Variants in RAB40B observed in about 807,000 individuals in gnomAD.
RAB40B encodes the protein ras-related protein Rab-40B.
Under a neutral mutation model 24.0 loss-of-function variants are expected in RAB40B, and 21 were observed. The observed-to-expected ratio is 0.88, with a 90% CI of 0.62 to 1.26. The LOEUF (loss-of-function observed/expected upper bound fraction) is 1.26, where lower values mean the gene tolerates loss of function less well. Ranked by LOEUF, RAB40B falls within the 50% of genes most tolerant of loss-of-function variation. The pLI is 0.00. For missense variants in RAB40B, 348 were observed against 390.5 expected (o/e 0.89, Z 0.92); for synonymous variants, 167 against 169.8 (o/e 0.98, Z 0.13).
chr17:82,678,883 T>TTG (rs1465520875), intron 1 of RAB40B, among the ~76,000 whole-genome samples: 1 of 121,580 alleles, frequency 8.2e-6, no homozygotes, highest in African/African-American at 3.9e-5. Flanking sequence ...TTCTGCGTTT[T>TTG]TTTTTTTTTT....
intron 1 of RAB40B, among the ~76,000 whole-genome samples, chr17:82,694,254 G>A (rs746621971): frequency 1.8e-4 from 28 of 151,494 alleles, no homozygotes; most frequent in Non-Finnish European, 3.2e-4. Context: ...TTCAGGCCGC[G>A]CACTGTGGCT....
At chr17:82,665,890 CAA>C (rs1002021556) in intron 1 of RAB40B, among the ~76,000 whole-genome samples, 2 of 121,796 alleles carry the variant, frequency 1.6e-5, no homozygotes, top group African/African-American at 2.8e-5. Flanking sequence ...AGAACAACAA[CAA>C]AAAAAAAAAA....
In RAB40B at chr17:82,657,822, TCTC is replaced by T. The variant is rs748764916; in HGVS notation, c.*38_*40del. On this transcript the variant is annotated 3_prime_UTR_variant, in exon 6 of 6. Transcript: ENST00000571995. ...CAGCTGCCGGGGGTAACGCCGAGCT[TCTC>T]CTGGAGAGATTCCGCCGTGTTTCTT... 2.5e-6 allele frequency: 4 copies of T among 1,609,042 alleles called. No individual in the cohort carries two copies. The African/African-American group carries it at 4.0e-5, about 16-fold the overall frequency.
chr17:82,688,649 T>C (rs2046526617), intron 1 of RAB40B, among the ~76,000 whole-genome samples: 1 of 151,732 alleles, frequency 6.6e-6, no homozygotes, highest in African/African-American at 2.4e-5. Context: ...ATAGTTTTGT[T>C]TGGGCCGGGC....
At chr17:82,695,609 C>T (rs2046601809) in intron 1 of RAB40B, among the ~76,000 whole-genome samples, 1 of 150,452 alleles carries the variant, frequency 6.6e-6, no homozygotes, top group Non-Finnish European at 1.5e-5. Flanking sequence ...TTTGAGGAGG[C>T]CAAAAAAGGA....
At chr17:82,695,559 A>C (rs1361614985) in intron 1 of RAB40B, among the ~76,000 whole-genome samples, 2 of 149,800 alleles carry the variant, frequency 1.3e-5, no homozygotes, top group East Asian at 1.9e-4. Flanking sequence ...AAAAAAAAAA[A>C]CATGGCCAGG....
At chr17:82,695,441 T>C (rs1472724105) in intron 1 of RAB40B, among the ~76,000 whole-genome samples, 1 of 151,132 alleles carries the variant, frequency 6.6e-6, no homozygotes, top group Non-Finnish European at 1.5e-5. Context: ...CCGCCCACCT[T>C]GGCCTCCCCA....
chr17:82,671,489 T>A (rs1009840349), intron 1 of RAB40B, among the ~76,000 whole-genome samples: 752 of 52,906 alleles, frequency 0.014, 1 homozygote, highest in Middle Eastern at 0.025. Context: ...ACTCACATGC[T>A]CCCTGTACTC....
At chr17:82,681,065 A>AATGATGTTT (rs1408981592) in intron 1 of RAB40B, among the ~76,000 whole-genome samples, 1 of 150,352 alleles carries the variant, frequency 6.7e-6, no homozygotes, top group Non-Finnish European at 1.5e-5. Flanking sequence ...GAGAAAAGAA[A>AATGATGTTT]ATGATGTTTG....
Position 82,660,991 on chromosome 17 carries a change from G to C in RAB40B, c.260C>G (p.Ala87Gly), listed in dbSNP as rs1347119265. The change falls in exon 3 of 6, where the codon GCA (alanine) becomes GGA (glycine). Residue 87 changes from alanine (A) to glycine (G), a missense_variant. Ala to Gly is a moderately conservative substitution (Grantham distance 60). Transcript: ENST00000571995. The part of the protein sequence containing the change: ...CTIFRSYSRG[A>G]QGVILVYDIA... Reference sequence around the variant, plus strand: ...GCTCGGGGGATGCTGTGTTACCTGTGCGCCCCGGGAGTAGGAGCGGAATAT... The same window carrying C: ...GCTCGGGGGATGCTGTGTTACCTGTCCGCCCCGGGAGTAGGAGCGGAATAT... 1 of 1,614,038 alleles carries C rather than the reference G, an allele frequency of 6.2e-7. No individual in the cohort carries two copies. Among genetic ancestry groups the C allele is most frequent in the Admixed American group, 1.7e-5 (1 of 60,032 alleles).
chr17:82,692,105 C>T lies in RAB40B; in HGVS notation c.142+6350G>A, dbSNP rs1263000044. On this transcript the variant is annotated intron_variant, in intron 1 of 5. Transcript: ENST00000571995. The surrounding 1 kb of genome is among the most constrained non-coding windows in gnomAD (Gnocchi z 4.0). ...GCAGAGCAGTGGGGCCCGCACGGTC[C>T]GTGGGCTGAGGTGACAGGCAGAGCA... 3.3e-3 allele frequency among the ~76,000 whole-genome samples: 10 copies of T among 3,008 alleles called. No homozygotes were observed. The highest frequency in any genetic ancestry group is 6.6e-3 in the South Asian group (1 of 152). 2.0% of individuals were successfully genotyped at this position (3,008 alleles called of 152,430 possible).
intron 2 of RAB40B, chr17:82,662,765 T>A: frequency 1.0e-6 from 1 of 985,002 alleles, no homozygotes; most frequent in Non-Finnish European, 1.2e-6. Context: ...GGGAGAAAAG[T>A]GTGAGGGTGA....
chr17:82,682,194 T>C (rs891205289), intron 1 of RAB40B, among the ~76,000 whole-genome samples: 4 of 151,864 alleles, frequency 2.6e-5, no homozygotes, highest in Middle Eastern at 3.2e-3. Context: ...AGAAAGCTAT[T>C]AGAACTCATA....
intron 1 of RAB40B, among the ~76,000 whole-genome samples, chr17:82,694,173 G>C (rs898989953): frequency 1.1e-4 from 17 of 151,062 alleles, no homozygotes; most frequent in African/African-American, 4.2e-4. Flanking sequence ...CAATAAGTTA[G>C]AAACAGCTAG....
intron 4 of RAB40B, 128 bp downstream of exon 4, chr17:82,659,452 G>A: frequency 1.2e-6 from 1 of 806,914 alleles, no homozygotes; most frequent in East Asian, 2.6e-5. Flanking sequence ...TCCTGCTGGA[G>A]CGCCATCCGG....
chr17:82,691,648 C>T lies in RAB40B; in HGVS notation c.142+6807G>A, dbSNP rs187905808. On this transcript the variant is annotated intron_variant, in intron 1 of 5. Coordinates refer to ENST00000571995, the MANE Select transcript of RAB40B (RefSeq NM_006822.3). The stretch of plus-strand genomic sequence containing the variant: ...AGTGAGCCGATGTGGCACCATTGCA[C>T]TCCAGCCTGGGCGACAGAGCGAGAC... 3.1e-3 allele frequency among the ~76,000 whole-genome samples: 475 copies of T among 152,302 alleles called. 1 individual carries two copies. The highest frequency in any genetic ancestry group is 9.7e-3 in the African/African-American group (402 of 41,546).
At chr17:82,661,652 C>T (rs1202931864) in intron 2 of RAB40B, among the ~76,000 whole-genome samples, 9 of 151,996 alleles carry the variant, frequency 5.9e-5, no homozygotes, top group South Asian at 2.1e-4. Flanking sequence ...TTTGGGAGAC[C>T]GAGGCAGGCG....
Position 82,675,730 on chromosome 17 carries a change from C to T in RAB40B, c.143-11174G>A, listed in dbSNP as rs1180694981. 6.6e-6 allele frequency among the ~76,000 whole-genome samples: 1 copy of T among 152,188 alleles called. No homozygotes were observed. Among genetic ancestry groups the T allele is most frequent in the Non-Finnish European group, 1.5e-5 (1 of 68,038 alleles). ...GGGAGCTCTTGGATGCTTCACTCAT[C>T]CCATCCACAAAGCCCCACGTGACCT... On this transcript the variant is annotated intron_variant, in intron 1 of 5. Coordinates refer to ENST00000571995, the MANE Select transcript of RAB40B (RefSeq NM_006822.3). This position sits in a 1 kb window ranked among gnomAD's most constrained non-coding sequence, Gnocchi z 4.5.
chr17:82,682,912 A>G (rs1356526217), intron 1 of RAB40B, among the ~76,000 whole-genome samples: 1 of 152,238 alleles, frequency 6.6e-6, no homozygotes, highest in Non-Finnish European at 1.5e-5. Flanking sequence ...TGGGAGACCG[A>G]GGCAGGCAGA....
Sources: allele counts gnomAD v4.1 joint callset (sites outside exome capture counted in the v4.1 genomes callset), GRCh38; gene constraint gnomAD v4.1.1; non-coding constraint Gnocchi (gnomAD v3.1); transcripts MANE v1.5; gene names NCBI Gene and HGNC (gene_info 2026-07-23, HGNC 2026-07-21).